Variants in MBNL1 observed in about 807,000 individuals in gnomAD.
The protein encoded by MBNL1 is muscleblind like splicing regulator 1.
In MBNL1, 8 loss-of-function variants were observed where a neutral mutation model predicts 42.2. That is an observed-to-expected ratio of 0.19 (90% CI 0.11 to 0.34). The LOEUF (loss-of-function observed/expected upper bound fraction) is 0.34. Among genes scored for constraint, MBNL1 ranks in the 10% least tolerant of loss-of-function variants. MBNL1 has a pLI of 1.00. For synonymous variants in MBNL1, 169 were observed against 173.9 expected, an observed-to-expected ratio of 0.97 and a Z score of 0.22; for missense variants, 309 against 495.3, an observed-to-expected ratio of 0.62 and a Z score of 3.57.
Position 152,300,010 on chromosome 3 carries a change from G to T in MBNL1, c.-184G>T, listed in dbSNP as rs1031699912. 1 of 521,960 alleles carries T rather than the reference G, an allele frequency of 1.9e-6. No individual in the cohort carries two copies. Among genetic ancestry groups the T allele is most frequent in the Non-Finnish European group, 3.4e-6 (1 of 296,570 alleles). 32.3% of individuals were successfully genotyped at this position (521,960 alleles called of 1,614,324 possible). ...TTCATGCTGTGAATTTCTAGTGGGA[G>T]ATCTTTTCCTTGATATTGACGACAC... On this transcript the variant is annotated 5_prime_UTR_variant, in exon 2 of 10. Coordinates refer to ENST00000324210, the MANE Select transcript of MBNL1 (RefSeq NM_021038.5).
At chr3:152,306,927 G>T (rs892125991) in intron 2 of MBNL1, among the ~76,000 whole-genome samples, 2 of 151,988 alleles carry the variant, frequency 1.3e-5, no homozygotes, top group Admixed American at 1.3e-4. Flanking sequence ...ATCACAAATG[G>T]ATTTATTTTT....
intron 2 of MBNL1, among the ~76,000 whole-genome samples, chr3:152,318,673 C>T (rs2074000843): frequency 6.6e-6 from 1 of 152,138 alleles, no homozygotes; most frequent in African/African-American, 2.4e-5. Flanking sequence ...AGACATAGTG[C>T]TTAGCATGAG....
chr3:152,344,437 C>G (rs1379722871), intron 2 of MBNL1, among the ~76,000 whole-genome samples: 1 of 152,114 alleles, frequency 6.6e-6, no homozygotes, highest in African/African-American at 2.4e-5. Context: ...CGTGGTATAT[C>G]AAAAGCCAGA....
intron 2 of MBNL1, among the ~76,000 whole-genome samples, chr3:152,412,917 C>G (rs1022763076): frequency 2.0e-5 from 3 of 152,130 alleles, no homozygotes; most frequent in African/African-American, 4.8e-5. Context: ...TAAAGAAATC[C>G]AGTTTTAGTA....
At chr3:152,267,597 T>C (rs2037561008), upstream of MBNL1, 1 of 152,234 alleles carries the variant, frequency 6.6e-6, no homozygotes, top group Admixed American at 6.5e-5. Flanking sequence ...AGTGTTCTTT[T>C]AGTTTGCTTA....
At chr3:152,377,632 A>G (rs911180937) in intron 2 of MBNL1, among the ~76,000 whole-genome samples, 5 of 152,210 alleles carry the variant, frequency 3.3e-5, no homozygotes, top group Non-Finnish European at 5.9e-5. Flanking sequence ...TGAAACCTAT[A>G]TTGTGACACA....
chr3:152,248,154 C>A (rs1281880767), intron 2 of MBNL1, among the ~76,000 whole-genome samples: 1 of 151,936 alleles, frequency 6.6e-6, no homozygotes, highest in Admixed American at 6.6e-5. Flanking sequence ...AATCTATTTT[C>A]TTTTGCACAA....
intron 5 of MBNL1, among the ~76,000 whole-genome samples, chr3:152,446,415 CCT>C (rs1486337480): frequency 1.3e-5 from 2 of 151,940 alleles, no homozygotes; most frequent in Non-Finnish European, 2.9e-5. Flanking sequence ...ACTCTCTCCT[CCT>C]CTCTTCCTTT....
rs560245855 is a variant in MBNL1 at position 152,424,563 on chromosome 3, G to GAA, written c.346-8142_346-8141dup. The stretch of plus-strand genomic sequence containing the variant: ...ACCATTGACTTTCTTCACAGAATTA[G>GAA]AAAAAAAAAAAAACTACTTTAAATT... On this transcript the variant is annotated intron_variant, in intron 3 of 9. Coordinates refer to ENST00000324210, the MANE Select transcript of MBNL1 (RefSeq NM_021038.5). 3.4e-3 allele frequency among the ~76,000 whole-genome samples: 460 copies of GAA among 134,206 alleles called. 1 individual carries two copies. The highest frequency in any genetic ancestry group is 7.6e-3 in the African/African-American group (283 of 37,132). 88.0% of individuals were successfully genotyped at this position (134,206 alleles called of 152,430 possible). A position where few individuals can be genotyped will look rare whatever the true frequency, so the allele number is the denominator to read the frequency against.
chr3:152,333,652 T>C (rs891047567), intron 2 of MBNL1, among the ~76,000 whole-genome samples: 1 of 152,216 alleles, frequency 6.6e-6, no homozygotes, highest in Admixed American at 6.5e-5. Context: ...TAAATGGCAA[T>C]GTGTCTACCT....
At chr3:152,452,584 C>T (rs1725521191) in intron 6 of MBNL1, among the ~76,000 whole-genome samples, 1 of 152,134 alleles carries the variant, frequency 6.6e-6, no homozygotes, top group Non-Finnish European at 1.5e-5. Flanking sequence ...TATAGGCTTC[C>T]TTGTCTATGC....
intron 1 of MBNL1, among the ~76,000 whole-genome samples, chr3:152,288,658 A>G (rs2054049652): frequency 6.6e-6 from 1 of 151,994 alleles, no homozygotes. Context: ...AGATTCTTAA[A>G]ACTACACATT....
chr3:152,317,093 A>C (rs2072258221), intron 2 of MBNL1, among the ~76,000 whole-genome samples: 2 of 151,768 alleles, frequency 1.3e-5, no homozygotes, highest in Non-Finnish European at 1.5e-5. Flanking sequence ...AAAAGCAAAC[A>C]AAAAAAAGCT....
At position 152,300,302 on chromosome 3, in the gene MBNL1, G is replaced by T. The variant is rs775313136; in HGVS notation, c.109G>T (p.Ala37Ser). ...CSRPDTECKF[A>S]HPSKSCQVEN... Reference sequence around the variant, plus strand: ...ACGGCCAGACACGGAATGTAAATTTGCACATCCTTCGAAAAGCTGCCAAGT... The same window carrying T: ...ACGGCCAGACACGGAATGTAAATTTTCACATCCTTCGAAAAGCTGCCAAGT... The change falls in exon 2 of 10, where the codon GCA becomes TCA. Residue 37 changes from alanine to serine, a missense_variant. By Grantham distance (99) the Ala-to-Ser change is moderately conservative. Transcript: ENST00000324210. The T allele has an allele frequency of 3.1e-6, 5 of 1,613,892 alleles. No individual in the cohort carries two copies. In the South Asian group the frequency reaches 5.5e-5, roughly 18 times the overall value.
intron 2 of MBNL1, among the ~76,000 whole-genome samples, chr3:152,354,513 A>G (rs1050663925): frequency 6.6e-6 from 1 of 152,178 alleles, no homozygotes; most frequent in Admixed American, 6.5e-5. Context: ...AAAGAACTAC[A>G]AAAGATTTTT....
At chr3:152,392,384 GAC>G (rs1446982265) in intron 2 of MBNL1, among the ~76,000 whole-genome samples, 1 of 152,154 alleles carries the variant, frequency 6.6e-6, no homozygotes, top group Non-Finnish European at 1.5e-5. Context: ...GTTAATGGGA[GAC>G]AGAGTTAAAC....
At chr3:152,316,538 C>A (rs747397556) in intron 2 of MBNL1, among the ~76,000 whole-genome samples, 120 of 152,272 alleles carry the variant, frequency 7.9e-4, no homozygotes, top group Non-Finnish European at 1.1e-3. Context: ...TTTATTTATT[C>A]TCTCACCCCA....
chr3:152,453,496 G>T (rs922363003), intron 6 of MBNL1, among the ~76,000 whole-genome samples: 16 of 152,244 alleles, frequency 1.1e-4, no homozygotes, highest in Admixed American at 4.6e-4. Flanking sequence ...TTTGCTTTGT[G>T]CTGAAAATTG....
At chr3:152,245,628 T>C (rs1456437803) in intron 2 of MBNL1, among the ~76,000 whole-genome samples, 1 of 152,218 alleles carries the variant, frequency 6.6e-6, no homozygotes, top group Non-Finnish European at 1.5e-5. Flanking sequence ...ATTTAATTTT[T>C]GATAAATTTT....
Sources: gnomAD v4.1 joint callset for allele counts (sites outside exome capture counted in the v4.1 genomes callset) on GRCh38, gnomAD v4.1.1 for gene constraint, MANE v1.5 for transcripts, NCBI Gene and HGNC (gene_info 2026-07-23, HGNC 2026-07-21) for gene names.